PTPRE: variants seen among roughly 807,000 people sequenced by gnomAD.
The protein encoded by PTPRE is protein tyrosine phosphatase receptor type E.
A neutral mutation model predicts 102.0 loss-of-function variants in PTPRE; 51 were observed. The ratio of observed to expected loss-of-function variants is 0.50; its 90% CI spans 0.40 to 0.63. The LOEUF is 0.63. Among genes scored for constraint, PTPRE ranks in the 30% least tolerant of loss-of-function variants. The probability of loss-of-function intolerance (pLI) is 0.00; values close to 1 mark genes in which losing one functional copy is unlikely to be tolerated. For missense variants in PTPRE, 752 were observed against 915.1 expected, an observed-to-expected ratio of 0.82 and a Z score of 2.30; for synonymous variants, 345 against 348.2, an observed-to-expected ratio of 0.99 and a Z score of 0.10.
At chr10:128,052,786 G>A (rs887071177) in intron 6 of PTPRE, among the ~76,000 whole-genome samples, 9 of 152,154 alleles carry the variant, frequency 5.9e-5, no homozygotes, top group African/African-American at 1.4e-4. Flanking sequence ...GGTGTCAACC[G>A]CAAAGCTTCC....
chr10:128,020,010 A>G (rs1044411953), intron 2 of PTPRE, among the ~76,000 whole-genome samples: 4 of 149,846 alleles, frequency 2.7e-5, no homozygotes, highest in Non-Finnish European at 3.0e-5. Flanking sequence ...AGGCTTTGCC[A>G]GAGGGTGGAG....
At chr10:128,060,268 C>G (rs551592984) in intron 7 of PTPRE, among the ~76,000 whole-genome samples, 1 of 151,924 alleles carries the variant, frequency 6.6e-6, no homozygotes, top group East Asian at 1.9e-4. Context: ...ACACAATACA[C>G]ACACACCACA....
At position 128,084,454 on chromosome 10, in the gene PTPRE, C is replaced by G. The variant is rs985569967; in HGVS notation, c.*1548C>G. On this transcript the variant is annotated 3_prime_UTR_variant, in exon 21 of 21. Transcript: ENST00000254667. Reference sequence around the variant, plus strand: ...GGACACATTATTGTTCTGATAGATGCTCACAGGGAATCAAGCTTCTCGCCC... The same window carrying G: ...GGACACATTATTGTTCTGATAGATGGTCACAGGGAATCAAGCTTCTCGCCC... The G allele has an allele frequency of 6.6e-6, 1 of 152,260 alleles. No homozygotes were observed. Among genetic ancestry groups the G allele is most frequent in the Non-Finnish European group, 1.5e-5 (1 of 68,074 alleles). The allele number at this position is 152,260 out of a possible 1,614,324, so 9.4% of individuals were successfully genotyped here.
chr10:127,996,141 T>C (rs1853241545), intron 2 of PTPRE, among the ~76,000 whole-genome samples: 1 of 152,350 alleles, frequency 6.6e-6, no homozygotes, highest in Non-Finnish European at 1.5e-5. Context: ...GAGTAGTGAC[T>C]GATGTCTAAT....
chr10:128,031,580 G>A (rs1846761750), intron 2 of PTPRE, among the ~76,000 whole-genome samples: 1 of 152,204 alleles, frequency 6.6e-6, no homozygotes, highest in African/African-American at 2.4e-5. Flanking sequence ...CTGCCAGGTA[G>A]CCTCTGATAA....
At chr10:128,067,986 C>A in intron 11 of PTPRE, 137 bp from the exon 12 acceptor site, 1 of 963,806 alleles carries the variant, frequency 1.0e-6, no homozygotes, top group Non-Finnish European at 1.5e-6. Flanking sequence ...CTGGCTCAGG[C>A]AGGCCCTCTG....
chr10:127,908,911 G>A (rs1241445259), intron 1 of PTPRE, among the ~76,000 whole-genome samples: 1 of 152,226 alleles, frequency 6.6e-6, no homozygotes, highest in Non-Finnish European at 1.5e-5. Context: ...CAGATGGCTT[G>A]GGACTTAGTC....
intron 2 of PTPRE, among the ~76,000 whole-genome samples, chr10:128,010,545 CCTTTTCTTTTCTTTT>C (rs59253362): frequency 0.012 from 1,538 of 128,318 alleles, 32 homozygotes; most frequent in African/African-American, 0.041. Flanking sequence ...AAACCCTGTT[CCTTTTCTTTTCTTTT>C]CTTTTCTTTT....
intron 1 of PTPRE, among the ~76,000 whole-genome samples, chr10:127,909,935 T>C (rs1845754568): frequency 6.6e-6 from 1 of 152,294 alleles, no homozygotes; most frequent in Non-Finnish European, 1.5e-5. Flanking sequence ...ACTCACCTGC[T>C]AAAATGACTG....
intron 2 of PTPRE, among the ~76,000 whole-genome samples, chr10:127,984,142 C>T (rs1344750431): frequency 2.8e-5 from 4 of 144,918 alleles, no homozygotes; most frequent in South Asian, 2.2e-4. Flanking sequence ...CGTGTGATGG[C>T]GTGATCTCGG....
chr10:128,076,392 G>A (rs1411660569), intron 17 of PTPRE, among the ~76,000 whole-genome samples: 1 of 151,754 alleles, frequency 6.6e-6, no homozygotes, highest in Non-Finnish European at 1.5e-5. Context: ...ATATGTTAAG[G>A]TTTCATATAT....
Position 128,070,896 on chromosome 10 carries a change from T to C in PTPRE, c.1382T>C (p.Ile461Thr), listed in dbSNP as rs1226287521. The C allele has an allele frequency of 5.6e-6, 9 of 1,613,354 alleles. No individual in the cohort carries two copies. In the East Asian group the frequency reaches 2.0e-4, roughly 36 times the overall value. The change falls in exon 15 of 21, where the codon ATC (isoleucine) becomes ACC (threonine). Residue 461 changes from isoleucine to threonine, a missense_variant. By Grantham distance (89) the Ile-to-Thr change is moderately conservative. Transcript: ENST00000254667. The surrounding 1 kb of genome is among the most constrained non-coding windows in gnomAD (Gnocchi z 4.8). ...AAGAAGGCCAGGGTCATCCAGATCA[T>C]CCCGTGTAAGGCACCCGTGGCGTGG... ...NMKKARVIQIIPYDFNRVILS... is the reference protein window; with the variant it reads ...NMKKARVIQITPYDFNRVILS...
At chr10:127,942,149 T>G (rs568361733) in intron 1 of PTPRE, among the ~76,000 whole-genome samples, 1 of 152,196 alleles carries the variant, frequency 6.6e-6, no homozygotes, top group African/African-American at 2.4e-5. Flanking sequence ...GAGACCACGA[T>G]GTCAGAGAAA....
intron 1 of PTPRE, among the ~76,000 whole-genome samples, chr10:127,925,718 C>T (rs149155382): frequency 0.01 from 1,546 of 152,258 alleles, 15 homozygotes; most frequent in Non-Finnish European, 0.016. Flanking sequence ...CCCTAAAGAC[C>T]AACATCTTGG....
At chr10:127,958,013 G>C (rs1849528188) in intron 1 of PTPRE, among the ~76,000 whole-genome samples, 1 of 152,190 alleles carries the variant, frequency 6.6e-6, no homozygotes, top group Admixed American at 6.5e-5. Flanking sequence ...ATACAGAAAA[G>C]TGACTAACTT....
intron 2 of PTPRE, chr10:127,999,604 A>G (rs972780464): frequency 1.7e-4 from 163 of 985,334 alleles, no homozygotes; most frequent in Non-Finnish European, 1.9e-4. Context: ...CAGCAGCTAC[A>G]CTGGATTATA....
At chr10:128,060,577 A>C (rs1849496608) in intron 7 of PTPRE, among the ~76,000 whole-genome samples, 1 of 152,190 alleles carries the variant, frequency 6.6e-6, no homozygotes, top group Non-Finnish European at 1.5e-5. Context: ...GGCTGGGCCC[A>C]GTGCAGGGTT....
In PTPRE at chr10:127,960,953, A is replaced by G. The variant is rs549840971; in HGVS notation, c.-30-21321A>G. On this transcript the variant is annotated intron_variant, in intron 1 of 20. Coordinates refer to ENST00000254667, the MANE Select transcript of PTPRE (RefSeq NM_006504.6). ...GGAGAATGGCGTGAACCCGGGAGGC[A>G]GAGCTTGCAATGAGCTGAGATAGCA... Among the ~76,000 whole-genome samples the G allele has an allele frequency of 7.0e-4, 107 of 151,790 alleles. 1 individual carries two copies. Among genetic ancestry groups the G allele is most frequent in the Middle Eastern group, 6.8e-3 (2 of 294 alleles).
intron 10 of PTPRE, 49 bp from the exon 11 acceptor site, chr10:128,066,026 T>C: frequency 6.2e-7 from 1 of 1,613,996 alleles, no homozygotes; most frequent in South Asian, 1.1e-5. Context: ...GATGTCATGA[T>C]GCATTGCACC....
Sources: allele counts gnomAD v4.1 joint callset (sites outside exome capture counted in the v4.1 genomes callset), GRCh38; gene constraint gnomAD v4.1.1; non-coding constraint Gnocchi (gnomAD v3.1); transcripts MANE v1.5; gene names NCBI Gene and HGNC (gene_info 2026-07-23, HGNC 2026-07-21).